Variants in DOCK1 observed in about 807,000 individuals in gnomAD.
DOCK1 encodes dedicator of cytokinesis 1.
Under a neutral mutation model 262.7 loss-of-function variants are expected in DOCK1, and 138 were observed. The observed-to-expected ratio is 0.53, with a 90% confidence interval of 0.46 to 0.61. The LOEUF is 0.61. Among genes scored for constraint, DOCK1 ranks in the 20% least tolerant of loss-of-function variants. The pLI is 0.00. For synonymous variants in DOCK1, 866 were observed against 867.4 expected (o/e 1.00, Z 0.03); for missense variants, 1,908 against 2,370.7 (o/e 0.80, Z 4.05).
In DOCK1 at chr10:127,194,807, G is replaced by A. The variant is rs555758202; in HGVS notation, c.2848-53201G>A. On this transcript the variant is annotated intron_variant, in intron 27 of 51. Coordinates refer to ENST00000623213, the MANE Select transcript of DOCK1 (RefSeq NM_001290223.2). Reference sequence around the variant, plus strand: ...ATGATCGTTTGGCTTCCCAGCCAAGGCAGGGCTCCCCCAAAGTTCATTCCC... The same window carrying A: ...ATGATCGTTTGGCTTCCCAGCCAAGACAGGGCTCCCCCAAAGTTCATTCCC... 8.5e-5 allele frequency among the ~76,000 whole-genome samples: 13 copies of A among 152,266 alleles called. No homozygotes were observed. In the East Asian group the frequency reaches 9.7e-4, roughly 11 times the overall value.
chr10:127,101,937 G>GT (rs202234140), intron 23 of DOCK1, among the ~76,000 whole-genome samples: 147 of 151,960 alleles, frequency 9.7e-4, no homozygotes, highest in African/African-American at 3.2e-3. Flanking sequence ...AATGTTTTCT[G>GT]TTTTTTTTCA....
intron 29 of DOCK1, among the ~76,000 whole-genome samples, chr10:127,324,044 G>A (rs1312037136): frequency 4.6e-5 from 7 of 152,210 alleles, no homozygotes; most frequent in Non-Finnish European, 7.3e-5. Flanking sequence ...GGCTCTGCCA[G>A]CTCAGCTGTG....
chr10:126,908,002 T>TAGAGAAG (rs1444140632), intron 1 of DOCK1, among the ~76,000 whole-genome samples: 1 of 152,144 alleles, frequency 6.6e-6, no homozygotes, highest in Non-Finnish European at 1.5e-5. Context: ...GGGCTGAAGG[T>TAGAGAAG]AGAGAAGAGA....
chr10:127,339,465 T>G (rs2063330583), intron 30 of DOCK1, among the ~76,000 whole-genome samples: 1 of 152,074 alleles, frequency 6.6e-6, no homozygotes, highest in Non-Finnish European at 1.5e-5. Context: ...CGAGCTCAGC[T>G]TGCTTTTATA....
chr10:127,389,162 G>A (rs1181105756), intron 38 of DOCK1, among the ~76,000 whole-genome samples: 1 of 152,226 alleles, frequency 6.6e-6, no homozygotes, highest in Non-Finnish European at 1.5e-5. Flanking sequence ...TGACTGCGAT[G>A]TGGGGAATCC....
At chr10:127,039,251 G>A (rs764446267) in intron 19 of DOCK1, among the ~76,000 whole-genome samples, 1 of 149,506 alleles carries the variant, frequency 6.7e-6, no homozygotes, top group Non-Finnish European at 1.5e-5. Flanking sequence ...AAACTTCCCT[G>A]TGTTCTGTAA....
intron 25 of DOCK1, among the ~76,000 whole-genome samples, chr10:127,115,938 T>C (rs2049152945): frequency 6.6e-6 from 1 of 152,226 alleles, no homozygotes; most frequent in African/African-American, 2.4e-5. Flanking sequence ...GGACAGGTTT[T>C]CTTTGGAGCT....
chr10:127,115,620 A>G (rs917073549), intron 25 of DOCK1, among the ~76,000 whole-genome samples: 25 of 152,256 alleles, frequency 1.6e-4, no homozygotes, highest in African/African-American at 5.1e-4. Flanking sequence ...TAGTGTAATT[A>G]AACACTAGAA....
At chr10:127,217,703 C>G (rs1189774352) in intron 27 of DOCK1, among the ~76,000 whole-genome samples, 1 of 152,172 alleles carries the variant, frequency 6.6e-6, no homozygotes, top group Non-Finnish European at 1.5e-5. Flanking sequence ...TAACATTTAT[C>G]TGAAAAACAT....
At chr10:127,135,626 T>A (rs2050625022) in intron 27 of DOCK1, 1 of 152,698 alleles carries the variant, frequency 6.5e-6, no homozygotes, top group African/African-American at 2.4e-5. Flanking sequence ...GCAATTAAAC[T>A]ATGAAATGAT....
chr10:127,098,401 A>G (rs1286445890), intron 23 of DOCK1, among the ~76,000 whole-genome samples: 1 of 152,170 alleles, frequency 6.6e-6, no homozygotes, highest in African/African-American at 2.4e-5. Context: ...GAGGTTTTCC[A>G]TGTCAACACG....
At chr10:127,111,016 A>T (rs1482880136) in intron 25 of DOCK1, among the ~76,000 whole-genome samples, 1 of 152,154 alleles carries the variant, frequency 6.6e-6, no homozygotes, top group African/African-American at 2.4e-5. Context: ...TGACATTCTG[A>T]CTGAGAAGCA....
At chr10:127,083,758 T>A (rs2047044509) in intron 23 of DOCK1, among the ~76,000 whole-genome samples, 2 of 152,324 alleles carry the variant, frequency 1.3e-5, no homozygotes, top group South Asian at 4.1e-4. Context: ...TTGCTTAAAA[T>A]CTTTAAGAAG....
intron 1 of DOCK1, among the ~76,000 whole-genome samples, chr10:126,941,384 G>A (rs2034966168): frequency 6.8e-6 from 1 of 146,692 alleles, no homozygotes; most frequent in Non-Finnish European, 1.5e-5. Context: ...ATTTCATGGT[G>A]CTAGTTTTAA....
chr10:127,229,823 G>A (rs1291858924), intron 27 of DOCK1, among the ~76,000 whole-genome samples: 1 of 152,048 alleles, frequency 6.6e-6, no homozygotes, highest in Non-Finnish European at 1.5e-5. Flanking sequence ...TTCCGTAATG[G>A]CTGTTTACAA....
chr10:127,203,803 C>T (rs992183832), intron 27 of DOCK1, among the ~76,000 whole-genome samples: 1 of 152,080 alleles, frequency 6.6e-6, no homozygotes, highest in Non-Finnish European at 1.5e-5. Context: ...AATGTGTGTG[C>T]ACCCCTCACT....
intron 27 of DOCK1, among the ~76,000 whole-genome samples, chr10:127,203,889 C>T (rs1300519835): frequency 2.7e-5 from 4 of 150,532 alleles, no homozygotes; most frequent in Non-Finnish European, 5.9e-5. Context: ...ACATTTCTTA[C>T]ACAATTTTGA....
chr10:127,421,522 A>G (rs1312405464), intron 46 of DOCK1, among the ~76,000 whole-genome samples: 2 of 152,168 alleles, frequency 1.3e-5, no homozygotes, highest in Non-Finnish European at 2.9e-5. Flanking sequence ...TTCAGAGGCA[A>G]TAAGTACATT....
At chr10:126,952,335 TTGGTGATGG>T (rs1380077063) in intron 1 of DOCK1, among the ~76,000 whole-genome samples, 7 of 126,464 alleles carry the variant, frequency 5.5e-5, no homozygotes, top group Admixed American at 7.6e-5. Flanking sequence ...GGTTGTATTG[TTGGTGATGG>T]TGGTGGTAAT....
Sources: allele counts gnomAD v4.1 joint callset (sites outside exome capture counted in the v4.1 genomes callset), GRCh38; gene constraint gnomAD v4.1.1; transcripts MANE v1.5; gene names NCBI Gene and HGNC (gene_info 2026-07-23, HGNC 2026-07-21).